Variants in UBXN2B observed in about 807,000 individuals in gnomAD.
UBXN2B encodes the protein UBX domain-containing protein 2B.
In UBXN2B, 19 loss-of-function variants were observed where a neutral mutation model predicts 37.5. That is an observed-to-expected ratio of 0.51 (90% CI 0.35 to 0.74). The LOEUF is 0.74. Ranked by LOEUF, UBXN2B falls within the 30% of genes least tolerant of loss-of-function variation. The pLI is 0.01. For synonymous variants in UBXN2B, 145 were observed against 143.8 expected, an observed-to-expected ratio of 1.01 and a Z score of -0.06; for missense variants, 370 against 393.2, an observed-to-expected ratio of 0.94 and a Z score of 0.50.
In UBXN2B at chr8:58,411,423, A is replaced by G. The variant is rs1369116267; in HGVS notation, c.38A>G (p.Glu13Gly). The G allele has an allele frequency of 7.9e-7, 1 of 1,267,874 alleles. No individual in the cohort carries two copies. 78.5% of individuals were successfully genotyped at this position (1,267,874 alleles called of 1,614,324 possible). A position where few individuals can be genotyped will look rare whatever the true frequency, so the allele number is the denominator to read the frequency against. The change falls in exon 1 of 8, where the codon GAG (glutamate) becomes GGG (glycine). Residue 13 changes from glutamate to glycine, a missense_variant. Transcript: ENST00000399598. ...GGAGGCCCTGAGCCCGGCGAGCAGGAGAGGAGGTCTTCCGGGCCGCGGCCT... is the reference window on the plus strand; with the variant it reads ...GGAGGCCCTGAGCCCGGCGAGCAGGGGAGGAGGTCTTCCGGGCCGCGGCCT... Reference protein sequence around the residue: ...EGGGPEPGEQERRSSGPRPPS... With the variant: ...EGGGPEPGEQGRRSSGPRPPS...
In UBXN2B at chr8:58,425,022, C is replaced by A. The variant is rs946219006; in HGVS notation, c.189-5497C>A. ...CGTGCACCACGACTGGCCTTGCATGCATGATGCGTTCCTGCTTATGGTGCA... is the reference window on the plus strand; with the variant it reads ...CGTGCACCACGACTGGCCTTGCATGAATGATGCGTTCCTGCTTATGGTGCA... On this transcript the variant is annotated intron_variant, in intron 2 of 7. Transcript: ENST00000399598. The A allele has an allele frequency of 1.4e-5, 11 of 781,964 alleles. No individual in the cohort carries two copies. The African/African-American group carries it at 1.9e-4, about 13-fold the overall frequency. 48.4% of individuals were successfully genotyped at this position (781,964 alleles called of 1,614,324 possible).
chr8:58,422,934 A>G lies in UBXN2B; in HGVS notation c.188+5981A>G, dbSNP rs1807965663. 2.0e-5 allele frequency among the ~76,000 whole-genome samples: 3 copies of G among 152,182 alleles called. No individual in the cohort carries two copies. In the South Asian group the frequency reaches 6.2e-4, roughly 31 times the overall value. On this transcript the variant is annotated intron_variant, in intron 2 of 7. Coordinates refer to ENST00000399598, the MANE Select transcript of UBXN2B (RefSeq NM_001077619.2). ...CTTTTGCTAATATCCTTGGTTTTCCATGGCAGTGGTTGTGACCGTCTGTTA... is the reference window on the plus strand; with the variant it reads ...CTTTTGCTAATATCCTTGGTTTTCCGTGGCAGTGGTTGTGACCGTCTGTTA...
rs1808072713 is a variant in UBXN2B, at chr8:58,425,991, A to G, written c.189-4528A>G. ...CTACCATGTTTTCCTTTTTCAGTTA[A>G]TAATTTCTCTGCTTCTTTCCCAGAG... On this transcript the variant is annotated intron_variant, in intron 2 of 7. Transcript: ENST00000399598. The G allele has an allele frequency of 4.8e-6, 7 of 1,448,558 alleles. No homozygotes were observed. In the South Asian group the frequency reaches 6.8e-5, roughly 14 times the overall value. The allele number at this position is 1,448,558 out of a possible 1,614,324, so 89.7% of individuals were successfully genotyped here.
At chr8:58,436,270 G>A (rs547022687) in intron 5 of UBXN2B, among the ~76,000 whole-genome samples, 4 of 152,264 alleles carry the variant, frequency 2.6e-5, no homozygotes, top group South Asian at 2.1e-4. Flanking sequence ...TTACATGGTC[G>A]TAAAGTGGAC....
chr8:58,436,674 A>G (rs1808420065), intron 5 of UBXN2B, among the ~76,000 whole-genome samples: 1 of 152,166 alleles, frequency 6.6e-6, no homozygotes, highest in Non-Finnish European at 1.5e-5. Flanking sequence ...GTAATGAATG[A>G]GTTCTTCTTC....
At position 58,411,437 on chromosome 8, in the gene UBXN2B, G is replaced by C. The variant is rs61732916; in HGVS notation, c.52G>C (p.Gly18Arg). 1.6e-3 allele frequency: 2,057 copies of C among 1,259,880 alleles called. 14 individuals carry two copies. In the African/African-American group the frequency reaches 0.018, roughly 11 times the overall value. 78.0% of individuals were successfully genotyped at this position (1,259,880 alleles called of 1,614,324 possible). ...EPGEQERRSSGPRPPSARDLQ... is the reference protein window; with the variant it reads ...EPGEQERRSSRPRPPSARDLQ... ...CGGCGAGCAGGAGAGGAGGTCTTCC[G>C]GGCCGCGGCCTCCGAGCGCGCGGGA... Residue 18 changes from glycine (G) to arginine (R), a missense_variant, in exon 1 of 8, where the codon GGG (glycine) becomes CGG (arginine). Physicochemically the swap from Gly to Arg is moderately radical, Grantham distance 125. Coordinates refer to ENST00000399598, the MANE Select transcript of UBXN2B (RefSeq NM_001077619.2).
chr8:58,412,404 C>G (rs565615644), intron 1 of UBXN2B, among the ~76,000 whole-genome samples: 2 of 152,290 alleles, frequency 1.3e-5, no homozygotes, highest in South Asian at 4.1e-4. Flanking sequence ...TTTTGGAAGC[C>G]TACAGATTTC....
chr8:58,425,176 C>T (rs937312805), intron 2 of UBXN2B: 1 of 893,202 alleles, frequency 1.1e-6, no homozygotes, highest in Non-Finnish European at 1.9e-6. Context: ...TTTAAGTTCT[C>T]TTAGCATATA....
chr8:58,432,475 C>T (rs958838337), intron 3 of UBXN2B, among the ~76,000 whole-genome samples: 8 of 149,896 alleles, frequency 5.3e-5, no homozygotes, highest in East Asian at 2.0e-4. Flanking sequence ...CTCCGCCTCC[C>T]GGGTTCACAC....
chr8:58,424,691 G>C lies in UBXN2B; in HGVS notation c.189-5828G>C, dbSNP rs932474847. On this transcript the variant is annotated intron_variant, in intron 2 of 7. Coordinates refer to ENST00000399598, the MANE Select transcript of UBXN2B (RefSeq NM_001077619.2). ...GCGTGGAGTTGGAGTACAAGGCGGG[G>C]GGGGGGGCTCTGATCTCCACTCGTC... 3.0e-5 allele frequency: 40 copies of C among 1,326,834 alleles called. 1 individual carries two copies. The highest frequency in any genetic ancestry group is 2.0e-4 in the Admixed American group (12 of 59,264). The allele number at this position is 1,326,834 out of a possible 1,614,324, so 82.2% of individuals were successfully genotyped here. A position where few individuals can be genotyped will look rare whatever the true frequency, so the allele number is the denominator to read the frequency against.
chr8:58,447,491 A>G lies in UBXN2B; in HGVS notation c.936A>G (p.Glu312=). ...TSFPNKELTD[E]SLTLLEADIL... is the part of the protein sequence containing the mutation. Reference sequence around the variant, plus strand: ...TTCCGAATAAAGAGCTAACAGATGAAAGCCTGACACTGCTAGAAGCAGATA... The same window carrying G: ...TTCCGAATAAAGAGCTAACAGATGAGAGCCTGACACTGCTAGAAGCAGATA... The change falls in exon 8 of 8, where the codon GAA becomes GAG. Residue 312 remains glutamate (E), a synonymous_variant. Coordinates refer to ENST00000399598, the MANE Select transcript of UBXN2B (RefSeq NM_001077619.2). 4 of 1,613,502 alleles carry G rather than the reference A, an allele frequency of 2.5e-6. No homozygotes were observed. The East Asian group carries it at 8.9e-5, about 36-fold the overall frequency.
At chr8:58,417,949 A>T (rs755787721) in intron 2 of UBXN2B, among the ~76,000 whole-genome samples, 23 of 152,150 alleles carry the variant, frequency 1.5e-4, no homozygotes, top group Non-Finnish European at 2.9e-4. Flanking sequence ...CAAAATTAAT[A>T]GTAATTCAGG....
chr8:58,436,103 G>A (rs1808405855), intron 5 of UBXN2B, among the ~76,000 whole-genome samples: 1 of 152,056 alleles, frequency 6.6e-6, no homozygotes, highest in African/African-American at 2.4e-5. Flanking sequence ...TAGTTAGTTT[G>A]TACCTCTGTG....
At chr8:58,439,604 T>A in intron 5 of UBXN2B, 29 bp from the exon 6 acceptor site, 1 of 1,587,402 alleles carries the variant, frequency 6.3e-7, no homozygotes, top group East Asian at 2.2e-5. Flanking sequence ...GAAAACTTAA[T>A]GATAACTTTT....
At chr8:58,411,496 C>G (rs756031240) in intron 1 of UBXN2B, 27 bp downstream of exon 1, 1 of 1,246,908 alleles carries the variant, frequency 8.0e-7, no homozygotes, top group Non-Finnish European at 1.0e-6. Context: ...GGGGAGGGAG[C>G]GCGGCGGTGG....
chr8:58,425,213 TC>T (rs1447159302), intron 2 of UBXN2B: 1 of 1,035,930 alleles, frequency 9.7e-7, no homozygotes, highest in Non-Finnish European at 1.5e-6. Flanking sequence ...TCTCTGATAT[TC>T]CTAACACGCA....
chr8:58,414,493 C>T (rs554545732), intron 1 of UBXN2B, among the ~76,000 whole-genome samples: 13 of 152,174 alleles, frequency 8.5e-5, no homozygotes, highest in Admixed American at 2.0e-4. Context: ...ATTATCAATA[C>T]TTTACTTACA....
chr8:58,434,859 G>A (rs1222329402), intron 5 of UBXN2B: 2 of 1,535,470 alleles, frequency 1.3e-6, no homozygotes, highest in Non-Finnish European at 8.7e-7. Flanking sequence ...TGTTGACAGG[G>A]TGACTCTCAT....
intron 2 of UBXN2B, among the ~76,000 whole-genome samples, chr8:58,420,378 T>C (rs958640522): frequency 6.6e-6 from 1 of 152,162 alleles, no homozygotes. Flanking sequence ...ATAGACTACA[T>C]AATGTAAGTG....
Sources: gnomAD v4.1 joint callset for allele counts (sites outside exome capture counted in the v4.1 genomes callset) on GRCh38, gnomAD v4.1.1 for gene constraint, MANE v1.5 for transcripts, NCBI Gene and HGNC (gene_info 2026-07-23, HGNC 2026-07-21) for gene names.